The following CDH13 variants were observed in gnomAD, a reference collection of about 807,000 sequenced individuals.
CDH13 encodes the protein cadherin 13, also known as cadherin-13.
A neutral mutation model predicts 63.8 loss-of-function variants in CDH13; 24 were observed. That is an observed-to-expected ratio of 0.38 (90% CI 0.27 to 0.53). The LOEUF (loss-of-function observed/expected upper bound fraction) is 0.53, where lower values mean the gene tolerates loss of function less well. CDH13 is among the 20% of genes least tolerant of loss of function. The pLI, the probability that CDH13 is intolerant of heterozygous loss-of-function variation, is 0.85. For synonymous variants in CDH13, 503 were observed against 355.3 expected (o/e 1.42, Z -4.67); for missense variants, 1,049 against 903.1 (o/e 1.16, Z -2.07).
At chr16:83,784,441 G>T (rs959417772) in intron 13 of CDH13, among the ~76,000 whole-genome samples, 1 of 152,040 alleles carries the variant, frequency 6.6e-6, no homozygotes, top group African/African-American at 2.4e-5. Flanking sequence ...AGACCAGTCT[G>T]GCCAACATGG....
chr16:83,417,033 C>T (rs947797215), intron 6 of CDH13, among the ~76,000 whole-genome samples: 5 of 152,058 alleles, frequency 3.3e-5, no homozygotes, highest in Admixed American at 3.3e-4. Context: ...GAATATTGTC[C>T]AAGTGCTTTA....
intron 6 of CDH13, among the ~76,000 whole-genome samples, chr16:83,429,632 T>G (rs1355320930): frequency 1.3e-5 from 2 of 152,110 alleles, no homozygotes; most frequent in Non-Finnish European, 2.9e-5. Flanking sequence ...CTACTCAGAA[T>G]GCTGAGGGGA....
rs184794322 is a variant in CDH13 at position 82,642,578 on chromosome 16, C to G, written c.45+15441C>G. Among the ~76,000 whole-genome samples, 545 of 152,218 alleles carry G rather than the reference C, an allele frequency of 3.6e-3. 1 individual carries two copies. Among genetic ancestry groups the G allele is most frequent in the African/African-American group, 0.012 (511 of 41,510 alleles). On this transcript the variant is annotated intron_variant, in intron 1 of 13. Coordinates refer to ENST00000567109, the MANE Select transcript of CDH13 (RefSeq NM_001257.5). ...GACTATATTCATTTAAGCCACATTCCTAATCATACAATCTCCACCAGACTG... is the reference window on the plus strand; with the variant it reads ...GACTATATTCATTTAAGCCACATTCGTAATCATACAATCTCCACCAGACTG...
chr16:83,368,883 GTTATATATATATATATATATATAT>G (rs1183239709), intron 6 of CDH13, among the ~76,000 whole-genome samples: 1,860 of 25,374 alleles, frequency 0.073, 128 homozygotes, highest in African/African-American at 0.18. Context: ...AGTATTCCAT[GTTATATATATATATATATATATAT>G]ATATATATAT....
At chr16:83,083,564 C>G (rs935878379) in intron 3 of CDH13, among the ~76,000 whole-genome samples, 2 of 152,132 alleles carry the variant, frequency 1.3e-5, no homozygotes, top group East Asian at 1.9e-4. Flanking sequence ...CACATCAGCC[C>G]CACCGAAATT....
intron 2 of CDH13, among the ~76,000 whole-genome samples, chr16:82,997,180 T>G (rs1041563326): frequency 2.0e-5 from 3 of 151,990 alleles, no homozygotes; most frequent in Admixed American, 6.6e-5. Flanking sequence ...GTGATGATGG[T>G]GGTGATGTTG....
At chr16:83,002,439 G>C (rs950123265) in intron 2 of CDH13, among the ~76,000 whole-genome samples, 4 of 152,194 alleles carry the variant, frequency 2.6e-5, no homozygotes, top group Non-Finnish European at 4.4e-5. Context: ...TCAACATCTT[G>C]ATTTTGCAGC....
intron 6 of CDH13, among the ~76,000 whole-genome samples, chr16:83,406,225 C>T (rs116684676): frequency 1.9e-3 from 285 of 152,268 alleles, no homozygotes; most frequent in African/African-American, 6.4e-3. Context: ...GCTGCGGTAG[C>T]GCCCGGTGGT....
intron 11 of CDH13, among the ~76,000 whole-genome samples, chr16:83,777,438 T>C (rs1462332689): frequency 6.6e-6 from 1 of 152,182 alleles, no homozygotes; most frequent in Non-Finnish European, 1.5e-5. Context: ...CAGAACACCC[T>C]GCGGTCCCCC....
chr16:82,736,173 C>T (rs527896728), intron 1 of CDH13, among the ~76,000 whole-genome samples: 111 of 152,292 alleles, frequency 7.3e-4, no homozygotes, highest in Non-Finnish European at 1.3e-3. Context: ...AATCTCGAAG[C>T]CACTTGTTGA....
chr16:83,475,231 A>C (rs1009408143), intron 6 of CDH13, among the ~76,000 whole-genome samples: 1 of 152,230 alleles, frequency 6.6e-6, no homozygotes, highest in African/African-American at 2.4e-5. Flanking sequence ...CATGAAGTCC[A>C]CCTGCTCTTG....
intron 5 of CDH13, among the ~76,000 whole-genome samples, chr16:83,319,334 C>G (rs1199670365): frequency 6.6e-6 from 1 of 152,158 alleles, no homozygotes; most frequent in Non-Finnish European, 1.5e-5. Flanking sequence ...CTCGGTGTTT[C>G]TCTGCCAGCA....
At chr16:82,831,205 G>A (rs1386222492) in intron 1 of CDH13, among the ~76,000 whole-genome samples, 2 of 152,102 alleles carry the variant, frequency 1.3e-5, no homozygotes, top group Non-Finnish European at 2.9e-5. Context: ...CATTTGAGAA[G>A]CATTAATCCA....
intron 1 of CDH13, among the ~76,000 whole-genome samples, chr16:82,785,326 G>A (rs890695342): frequency 6.6e-6 from 1 of 152,114 alleles, no homozygotes. Flanking sequence ...GCCATAACTG[G>A]TTTATCCTTT....
chr16:82,682,840 G>C (rs1914689298), intron 1 of CDH13, among the ~76,000 whole-genome samples: 1 of 152,166 alleles, frequency 6.6e-6, no homozygotes, highest in African/African-American at 2.4e-5. Flanking sequence ...GCCACCCTGA[G>C]GACTGGTGCT....
intron 5 of CDH13, among the ~76,000 whole-genome samples, chr16:83,299,396 G>A (rs1017105567): frequency 4.6e-5 from 7 of 152,072 alleles, no homozygotes; most frequent in South Asian, 4.1e-4. Flanking sequence ...CAAATCAGTA[G>A]GTTTGGACTC....
chr16:83,624,150 T>C (rs774543230), intron 8 of CDH13, among the ~76,000 whole-genome samples: 1 of 152,170 alleles, frequency 6.6e-6, no homozygotes, highest in Non-Finnish European at 1.5e-5. Flanking sequence ...CTTTATTCTC[T>C]GCTAGGCTCT....
chr16:83,783,877 G>A (rs1343423763), intron 13 of CDH13, among the ~76,000 whole-genome samples: 1 of 152,210 alleles, frequency 6.6e-6, no homozygotes, highest in East Asian at 1.9e-4. Context: ...GAGACTTTCT[G>A]AGAATAGTCG....
intron 1 of CDH13, among the ~76,000 whole-genome samples, chr16:82,854,255 G>T (rs1190958717): frequency 3.9e-5 from 6 of 152,006 alleles, no homozygotes; most frequent in Non-Finnish European, 7.4e-5. Context: ...CAGAAAATTA[G>T]CTAGGCGTGG....
Sources: gnomAD v4.1 joint callset for allele counts (sites outside exome capture counted in the v4.1 genomes callset) on GRCh38, gnomAD v4.1.1 for gene constraint, MANE v1.5 for transcripts, NCBI Gene and HGNC (gene_info 2026-07-23, HGNC 2026-07-21) for gene names.